Variants in NME7 observed in about 807,000 individuals in gnomAD.
NME7 encodes the protein nucleoside diphosphate kinase 7.
NME7 carries 41 observed loss-of-function variants against 49.1 expected under a neutral mutation model. The observed-to-expected ratio is 0.83, with a 90% CI of 0.65 to 1.08. The LOEUF (loss-of-function observed/expected upper bound fraction) is 1.08. Ranked by LOEUF, NME7 falls within the 50% of genes least tolerant of loss-of-function variation. The pLI is 0.00. For missense variants in NME7, 423 were observed against 463.4 expected, an observed-to-expected ratio of 0.91 and a Z score of 0.80; for synonymous variants, 139 against 150.6, an observed-to-expected ratio of 0.92 and a Z score of 0.56.
At chr1:169,162,060 C>A (rs1659263986) in intron 11 of NME7, among the ~76,000 whole-genome samples, 1 of 152,178 alleles carries the variant, frequency 6.6e-6, no homozygotes, top group African/African-American at 2.4e-5. Context: ...GTAGACTCAG[C>A]ACAAGAGGAC....
intron 7 of NME7, among the ~76,000 whole-genome samples, chr1:169,260,329 T>A (rs1571336070): frequency 1.5e-5 from 2 of 133,488 alleles, no homozygotes; most frequent in African/African-American, 5.1e-5. Context: ...TTCATAGACT[T>A]TTCTGAAAGA....
chr1:169,160,563 T>A (rs760052800), intron 11 of NME7, among the ~76,000 whole-genome samples: 1 of 152,100 alleles, frequency 6.6e-6, no homozygotes, highest in South Asian at 2.1e-4. Context: ...CATCATCAAA[T>A]ACATTAATAT....
At chr1:169,193,149 A>G (rs1370076786) in intron 10 of NME7, among the ~76,000 whole-genome samples, 1 of 151,800 alleles carries the variant, frequency 6.6e-6, no homozygotes, top group Non-Finnish European at 1.5e-5. Flanking sequence ...CATCTCCACA[A>G]ATAATAATAA....
chr1:169,350,241 A>AGGAAGGAAGGAAG (rs1653108323), intron 1 of NME7, among the ~76,000 whole-genome samples: 1 of 3,708 alleles, frequency 2.7e-4, no homozygotes, highest in African/African-American at 6.7e-4. Flanking sequence ...AAAGAAAGAA[A>AGGAAGGAAGGAAG]GAAAGAAGGA....
At chr1:169,208,854 A>G (rs1285142562) in intron 10 of NME7, among the ~76,000 whole-genome samples, 1 of 152,080 alleles carries the variant, frequency 6.6e-6, no homozygotes, top group African/African-American at 2.4e-5. Context: ...TAATAAAGTA[A>G]TACAAAGATC....
At chr1:169,236,145 A>T (rs1647850521) in intron 8 of NME7, among the ~76,000 whole-genome samples, 1 of 152,160 alleles carries the variant, frequency 6.6e-6, no homozygotes, top group African/African-American at 2.4e-5. Context: ...CAACATTCAC[A>T]TATGTTTTGC....
At chr1:169,325,730 T>C (rs941120679) in intron 1 of NME7, among the ~76,000 whole-genome samples, 5 of 152,214 alleles carry the variant, frequency 3.3e-5, no homozygotes, top group African/African-American at 1.2e-4. Flanking sequence ...AGAAGTTGTG[T>C]GTCTAATGAT....
chr1:169,190,973 C>T (rs1014608338), intron 10 of NME7, among the ~76,000 whole-genome samples: 1 of 115,482 alleles, frequency 8.7e-6, no homozygotes, highest in Non-Finnish European at 1.9e-5. Flanking sequence ...CCACTACGCC[C>T]GGCTAATTTT....
At chr1:169,281,789 G>T (rs1014242265) in intron 7 of NME7, among the ~76,000 whole-genome samples, 2 of 152,176 alleles carry the variant, frequency 1.3e-5, no homozygotes, top group African/African-American at 4.8e-5. Flanking sequence ...TTGCATTCCA[G>T]CAATGAAGCC....
intron 7 of NME7, among the ~76,000 whole-genome samples, chr1:169,272,263 TTTTAG>T (rs961136455): frequency 7.5e-6 from 1 of 133,570 alleles, no homozygotes; most frequent in African/African-American, 2.5e-5. Context: ...TATTTTTTGG[TTTTAG>T]TTACATGTGC....
intron 10 of NME7, among the ~76,000 whole-genome samples, chr1:169,208,058 T>C (rs1310808371): frequency 6.6e-6 from 1 of 152,110 alleles, no homozygotes; most frequent in Non-Finnish European, 1.5e-5. Flanking sequence ...CTTTTGGAGA[T>C]TCACAATGCA....
At chr1:169,338,835 AC>A (rs1317747134) in intron 1 of NME7, among the ~76,000 whole-genome samples, 1 of 152,228 alleles carries the variant, frequency 6.6e-6, no homozygotes, top group African/African-American at 2.4e-5. Context: ...AAGTTAAATG[AC>A]TTGGCAAAAA....
At chr1:169,267,612 C>T (rs1311124065) in intron 7 of NME7, among the ~76,000 whole-genome samples, 1 of 132,352 alleles carries the variant, frequency 7.6e-6, no homozygotes, top group Non-Finnish European at 1.8e-5. Context: ...CAGATATAAA[C>T]CCACACACCT....
chr1:169,330,618 G>T (rs763330028), intron 1 of NME7, among the ~76,000 whole-genome samples: 2 of 152,080 alleles, frequency 1.3e-5, no homozygotes, highest in African/African-American at 4.8e-5. Context: ...GGAGGAGATT[G>T]CAGGGAGCCG....
intron 10 of NME7, among the ~76,000 whole-genome samples, chr1:169,188,434 T>C (rs1393475370): frequency 6.6e-6 from 1 of 152,184 alleles, no homozygotes; most frequent in African/African-American, 2.4e-5. Context: ...CAACAAATTA[T>C]TGGGAATGAG....
At chr1:169,202,447 A>G (rs1188111537) in intron 10 of NME7, among the ~76,000 whole-genome samples, 1 of 152,126 alleles carries the variant, frequency 6.6e-6, no homozygotes, top group Non-Finnish European at 1.5e-5. Flanking sequence ...ATGCCTCCCT[A>G]TAAAACCATG....
At chr1:169,246,383 T>C (rs1648314892) in intron 7 of NME7, among the ~76,000 whole-genome samples, 2 of 152,146 alleles carry the variant, frequency 1.3e-5, no homozygotes, top group South Asian at 2.1e-4. Context: ...GTAAGGCACT[T>C]AGGTCTTAAT....
At chr1:169,264,340 C>A (rs1287272815) in intron 7 of NME7, among the ~76,000 whole-genome samples, 7 of 133,934 alleles carry the variant, frequency 5.2e-5, no homozygotes, top group African/African-American at 1.8e-4. Flanking sequence ...GGTATGCTGT[C>A]TTCAGGTAAC....
At chr1:169,170,598 C>G (rs1049121251) in intron 10 of NME7, among the ~76,000 whole-genome samples, 3 of 152,028 alleles carry the variant, frequency 2.0e-5, no homozygotes, top group Non-Finnish European at 2.9e-5. Context: ...CGTAATTTTT[C>G]TAGCAAGTAA....
Sources: allele counts gnomAD v4.1 joint callset (sites outside exome capture counted in the v4.1 genomes callset), GRCh38; gene constraint gnomAD v4.1.1; transcripts MANE v1.5; gene names NCBI Gene and HGNC (gene_info 2026-07-23, HGNC 2026-07-21).